The following CMSS1 variants were observed in gnomAD, a reference collection of about 807,000 sequenced individuals.
CMSS1 encodes protein CMSS1.
Under a neutral mutation model 43.5 loss-of-function variants are expected in CMSS1, and 33 were observed. The observed-to-expected ratio is 0.76, with a 90% confidence interval of 0.57 to 1.01. The LOEUF (loss-of-function observed/expected upper bound fraction) is 1.01. Among genes scored for constraint, CMSS1 ranks in the 50% least tolerant of loss-of-function variants. CMSS1 has a pLI of 0.00. For synonymous variants in CMSS1, 115 were observed against 117.2 expected, an observed-to-expected ratio of 0.98 and a Z score of 0.12; for missense variants, 313 against 326.4, an observed-to-expected ratio of 0.96 and a Z score of 0.32.
intron 1 of CMSS1, among the ~76,000 whole-genome samples, chr3:99,859,005 T>C (rs1314940290): frequency 1.3e-5 from 2 of 152,230 alleles, no homozygotes; most frequent in African/African-American, 4.8e-5. Flanking sequence ...CCGTCAAACA[T>C]AGATGGGAGA....
chr3:100,026,843 A>G (rs1249424303), intron 1 of CMSS1, among the ~76,000 whole-genome samples: 2 of 152,100 alleles, frequency 1.3e-5, no homozygotes, highest in African/African-American at 2.4e-5. Flanking sequence ...TGTAAGTCAG[A>G]TCACATCGCC....
intron 1 of CMSS1, among the ~76,000 whole-genome samples, chr3:99,882,245 G>C (rs1462345708): frequency 3.9e-5 from 6 of 152,140 alleles, no homozygotes; most frequent in Admixed American, 3.9e-4. Flanking sequence ...GTCCCTTTCG[G>C]TTCCAAATTC....
intron 1 of CMSS1, among the ~76,000 whole-genome samples, chr3:99,942,667 A>G (rs1348123021): frequency 6.6e-6 from 1 of 152,112 alleles, no homozygotes; most frequent in East Asian, 1.9e-4. Flanking sequence ...CCCCGTCTCT[A>G]CTAAAAATAT....
chr3:100,062,283 T>G (rs1027007806), intron 1 of CMSS1, among the ~76,000 whole-genome samples: 2 of 151,796 alleles, frequency 1.3e-5, no homozygotes, highest in Non-Finnish European at 2.9e-5. Context: ...AGCTATTTTT[T>G]TGTATTTTTA....
chr3:99,884,297 A>G (rs1011756917), intron 1 of CMSS1, among the ~76,000 whole-genome samples: 23 of 152,078 alleles, frequency 1.5e-4, no homozygotes, highest in Non-Finnish European at 2.8e-4. Context: ...TTATGGTGCT[A>G]TCAGTGTTAG....
chr3:99,851,464 G>A (rs1206119663), intron 1 of CMSS1, among the ~76,000 whole-genome samples: 2 of 152,170 alleles, frequency 1.3e-5, no homozygotes, highest in Non-Finnish European at 2.9e-5. Context: ...TAATTGATCT[G>A]GGCAGTTATT....
intron 1 of CMSS1, among the ~76,000 whole-genome samples, chr3:99,862,293 G>C (rs1297062245): frequency 6.6e-6 from 1 of 152,182 alleles, no homozygotes; most frequent in East Asian, 1.9e-4. Context: ...ACAACACAGT[G>C]AGACAACGTC....
At chr3:100,175,679 C>T (rs2067142707) in intron 8 of CMSS1, among the ~76,000 whole-genome samples, 1 of 152,164 alleles carries the variant, frequency 6.6e-6, no homozygotes, top group South Asian at 2.1e-4. Flanking sequence ...CGTGGAACAG[C>T]TTGGAGCAGA....
intron 8 of CMSS1, among the ~76,000 whole-genome samples, chr3:100,175,238 G>T (rs2067139860): frequency 6.6e-6 from 1 of 152,026 alleles, no homozygotes; most frequent in Non-Finnish European, 1.5e-5. Context: ...TGCTTCACTG[G>T]GATATGTCAT....
At chr3:100,117,707 G>T (rs1035571138) in intron 1 of CMSS1, among the ~76,000 whole-genome samples, 4 of 149,544 alleles carry the variant, frequency 2.7e-5, no homozygotes. Flanking sequence ...TTGATTACAG[G>T]TTGAAAGATA....
intron 1 of CMSS1, among the ~76,000 whole-genome samples, chr3:99,929,517 T>C (rs1243428905): frequency 2.7e-5 from 4 of 145,576 alleles, no homozygotes; most frequent in Admixed American, 1.4e-4. Context: ...TCCCAGAGTG[T>C]GTGTGTGTGT....
In CMSS1 at chr3:100,179,635, C is replaced by G. The variant is rs1419429441; in HGVS notation, c.*1247C>G. ...GCCTTAGGCAGCTCTGCCCCTGTGG[C>G]TCTGCAGGGTACAGTCCCCATGGTT... On this transcript the variant is annotated 3_prime_UTR_variant, in exon 10 of 10. Coordinates refer to ENST00000421999, the MANE Select transcript of CMSS1 (RefSeq NM_032359.4). 3.9e-5 allele frequency: 6 copies of G among 152,324 alleles called. No homozygotes were observed. The highest frequency in any genetic ancestry group is 7.3e-5 in the Non-Finnish European group (5 of 68,114). The allele number at this position is 152,324 out of a possible 1,614,324, so 9.4% of individuals were successfully genotyped here.
intron 1 of CMSS1, among the ~76,000 whole-genome samples, chr3:99,947,716 T>G (rs186499055): frequency 6.6e-6 from 1 of 152,230 alleles, no homozygotes; most frequent in Non-Finnish European, 1.5e-5. Flanking sequence ...ATAAAATTGT[T>G]TTGAATACTT....
intron 1 of CMSS1, among the ~76,000 whole-genome samples, chr3:99,974,050 G>C (rs1255255420): frequency 6.6e-6 from 1 of 152,200 alleles, no homozygotes; most frequent in Non-Finnish European, 1.5e-5. Flanking sequence ...TTAAGAACAA[G>C]AAGGTTTTCT....
chr3:100,033,062 C>CA (rs879385600), intron 1 of CMSS1, among the ~76,000 whole-genome samples: 71 of 118,960 alleles, frequency 6.0e-4, no homozygotes, highest in African/African-American at 8.4e-4. Context: ...ACATGGTAAC[C>CA]AAAAAAAAAA....
At chr3:99,874,972 AG>A (rs1705436704) in intron 1 of CMSS1, among the ~76,000 whole-genome samples, 1 of 152,216 alleles carries the variant, frequency 6.6e-6, no homozygotes, top group African/African-American at 2.4e-5. Flanking sequence ...TATAAATGGC[AG>A]CCTATGAATT....
chr3:99,971,295 G>A (rs1022513255), intron 1 of CMSS1, among the ~76,000 whole-genome samples: 8 of 149,144 alleles, frequency 5.4e-5, no homozygotes, highest in African/African-American at 7.5e-5. Context: ...AGCCAAGATC[G>A]TGCCACTGCC....
At chr3:100,052,149 G>A (rs754671831) in intron 1 of CMSS1, among the ~76,000 whole-genome samples, 17 of 152,090 alleles carry the variant, frequency 1.1e-4, no homozygotes, top group Non-Finnish European at 2.5e-4. Context: ...GAACTGACTA[G>A]GACCCCATGA....
chr3:100,062,726 A>C (rs1355015258), intron 1 of CMSS1, among the ~76,000 whole-genome samples: 1 of 152,210 alleles, frequency 6.6e-6, no homozygotes, highest in African/African-American at 2.4e-5. Context: ...TAAAGAAATA[A>C]ACTCTTTGTC....
Sources: allele counts gnomAD v4.1 joint callset (sites outside exome capture counted in the v4.1 genomes callset), GRCh38; gene constraint gnomAD v4.1.1; transcripts MANE v1.5; gene names NCBI Gene and HGNC (gene_info 2026-07-23, HGNC 2026-07-21).